Variants in CLDN10 observed in about 807,000 individuals in gnomAD.
CLDN10 encodes the protein claudin-10.
CLDN10 carries 15 observed loss-of-function variants against 22.9 expected under a neutral mutation model. The observed-to-expected ratio is 0.65, with a 90% CI of 0.44 to 1.01. CLDN10 has a LOEUF of 1.01. CLDN10 is among the 50% of genes least tolerant of loss of function. The probability of loss-of-function intolerance (pLI) is 0.00; values close to 1 mark genes in which losing one functional copy is unlikely to be tolerated. For synonymous variants in CLDN10, 114 were observed against 111.4 expected, an observed-to-expected ratio of 1.02 and a Z score of -0.15; for missense variants, 247 against 287.8, an observed-to-expected ratio of 0.86 and a Z score of 1.03.
intron 1 of CLDN10, among the ~76,000 whole-genome samples, chr13:95,543,750 CT>C (rs1482853446): frequency 4.0e-5 from 6 of 151,552 alleles, no homozygotes; most frequent in African/African-American, 9.7e-5. Flanking sequence ...TTTTCTATTC[CT>C]TTCATATTAA....
chr13:95,471,215 A>G (rs1364274526), intron 1 of CLDN10, among the ~76,000 whole-genome samples: 1 of 151,974 alleles, frequency 6.6e-6, no homozygotes, highest in Non-Finnish European at 1.5e-5. Context: ...GAATTCAAGG[A>G]ACTGAAAGAG....
At chr13:95,544,694 C>T (rs902068306) in intron 1 of CLDN10, among the ~76,000 whole-genome samples, 1 of 152,236 alleles carries the variant, frequency 6.6e-6, no homozygotes, top group Non-Finnish European at 1.5e-5. Flanking sequence ...AATCACGAAG[C>T]CTCCTAGTAA....
At chr13:95,545,221 T>C (rs574866962) in intron 1 of CLDN10, among the ~76,000 whole-genome samples, 160 of 152,294 alleles carry the variant, frequency 1.1e-3, no homozygotes, top group Admixed American at 3.5e-3. Context: ...TACTTCAGCA[T>C]ATACTTTATG....
chr13:95,497,383 A>G (rs2042940405), intron 1 of CLDN10, among the ~76,000 whole-genome samples: 1 of 152,126 alleles, frequency 6.6e-6, no homozygotes, highest in African/African-American at 2.4e-5. Flanking sequence ...TGAGCCAGGA[A>G]TCAGAAGCAG....
intron 1 of CLDN10, among the ~76,000 whole-genome samples, chr13:95,476,039 A>G (rs1289440754): frequency 1.3e-5 from 2 of 151,774 alleles, no homozygotes; most frequent in African/African-American, 2.4e-5. Flanking sequence ...TCCGTGTGCC[A>G]CTCCCCTTCT....
At chr13:95,478,742 A>T (rs548902578) in intron 1 of CLDN10, among the ~76,000 whole-genome samples, 2 of 152,162 alleles carry the variant, frequency 1.3e-5, no homozygotes, top group East Asian at 1.9e-4. Context: ...TGGCGGTTTC[A>T]TTAAGGTTCC....
intron 1 of CLDN10, among the ~76,000 whole-genome samples, chr13:95,444,618 G>A (rs1414397897): frequency 6.6e-6 from 1 of 152,234 alleles, no homozygotes; most frequent in African/African-American, 2.4e-5. Context: ...TGAAAGATGG[G>A]CGAAGTTTCA....
intron 1 of CLDN10, among the ~76,000 whole-genome samples, chr13:95,494,832 A>G (rs1383490337): frequency 6.6e-6 from 1 of 151,982 alleles, no homozygotes; most frequent in Non-Finnish European, 1.5e-5. Flanking sequence ...CAGACATGAA[A>G]CCTCATCGTA....
intron 1 of CLDN10, chr13:95,533,756 CG>C (rs1353817266): frequency 6.6e-6 from 1 of 152,238 alleles, no homozygotes; most frequent in African/African-American, 2.4e-5. Context: ...GTCAGGCCTG[CG>C]GGCAATGCAG....
intron 1 of CLDN10, among the ~76,000 whole-genome samples, chr13:95,531,556 G>T (rs1332332971): frequency 6.6e-6 from 1 of 151,124 alleles, no homozygotes; most frequent in East Asian, 1.9e-4. Flanking sequence ...TTTGAGACAG[G>T]GTCTCACTCT....
intron 1 of CLDN10, among the ~76,000 whole-genome samples, chr13:95,483,170 T>C (rs1186891062): frequency 2.0e-5 from 3 of 152,036 alleles, no homozygotes; most frequent in African/African-American, 7.2e-5. Flanking sequence ...GCACTGCCAC[T>C]CTGTGCAGAT....
At chr13:95,545,418 C>G (rs946824409) in intron 1 of CLDN10, among the ~76,000 whole-genome samples, 1 of 151,970 alleles carries the variant, frequency 6.6e-6, no homozygotes, top group African/African-American at 2.4e-5. Context: ...TGGCACATGC[C>G]TGGTATCCCA....
chr13:95,570,055 A>G (rs2043835423), intron 3 of CLDN10, among the ~76,000 whole-genome samples: 1 of 152,120 alleles, frequency 6.6e-6, no homozygotes, highest in South Asian at 2.1e-4. Flanking sequence ...CCATCTGTAT[A>G]TTTTTACCTC....
intron 1 of CLDN10, among the ~76,000 whole-genome samples, chr13:95,536,270 T>C (rs2043399125): frequency 2.0e-5 from 3 of 151,342 alleles, no homozygotes; most frequent in African/African-American, 4.9e-5. Flanking sequence ...AGTCACATGG[T>C]GAAACTCCAT....
chr13:95,449,220 A>G (rs1415441429), intron 1 of CLDN10, among the ~76,000 whole-genome samples: 3 of 152,102 alleles, frequency 2.0e-5, no homozygotes, highest in Non-Finnish European at 4.4e-5. Flanking sequence ...CTACCGACCT[A>G]GTGACTTAAA....
At chr13:95,468,833 T>C (rs1035257434) in intron 1 of CLDN10, among the ~76,000 whole-genome samples, 2 of 152,168 alleles carry the variant, frequency 1.3e-5, no homozygotes, top group African/African-American at 4.8e-5. Flanking sequence ...GAATAGTGTA[T>C]TTTACCATAA....
chr13:95,454,497 A>G (rs185487926), intron 1 of CLDN10, among the ~76,000 whole-genome samples: 1 of 152,280 alleles, frequency 6.6e-6, no homozygotes, highest in East Asian at 1.9e-4. Flanking sequence ...AGCAAGCCTG[A>G]TGCTGAGACA....
At position 95,483,255 on chromosome 13, in the gene CLDN10, T is replaced by C. The variant is rs1401834632; in HGVS notation, c.214+49208T>C. 2.0e-5 allele frequency among the ~76,000 whole-genome samples: 3 copies of C among 152,246 alleles called. No individual in the cohort carries two copies. The East Asian group carries it at 5.8e-4, about 29-fold the overall frequency. On this transcript the variant is annotated intron_variant, in intron 1 of 4. Coordinates refer to the CLDN10 transcript ENST00000376873. ...CTCCTCGTTCAGACTGTGGGCTCTC[T>C]GAGAAGATGGGGAAACATTATTTGG...
At chr13:95,502,201 G>C (rs2042993330) in intron 1 of CLDN10, among the ~76,000 whole-genome samples, 1 of 152,192 alleles carries the variant, frequency 6.6e-6, no homozygotes, top group Admixed American at 6.5e-5. Flanking sequence ...CAAGCTTCCT[G>C]ACTTGGGCAT....
Sources: allele counts gnomAD v4.1 joint callset (sites outside exome capture counted in the v4.1 genomes callset), GRCh38; gene constraint gnomAD v4.1.1; transcripts MANE v1.5; gene names NCBI Gene and HGNC (gene_info 2026-07-23, HGNC 2026-07-21).